The following KCP variants were observed in gnomAD, a reference collection of about 807,000 sequenced individuals.
KCP encodes kielin/chordin-like protein.
KCP carries 194 observed loss-of-function variants against 212.7 expected under a neutral mutation model. The observed-to-expected ratio is 0.91, with a 90% CI of 0.81 to 1.03. The LOEUF (loss-of-function observed/expected upper bound fraction) is 1.03, where lower values mean the gene tolerates loss of function less well. Ranked by LOEUF, KCP falls within the 50% of genes least tolerant of loss-of-function variation. KCP has a pLI of 0.00. For synonymous variants in KCP, 833 were observed against 865.3 expected, an observed-to-expected ratio of 0.96 and a Z score of 0.65; for missense variants, 2,080 against 2,162.5, an observed-to-expected ratio of 0.96 and a Z score of 0.76.
rs1378052717 is a variant in KCP, at chr7:128,884,826, C to T, written c.3078G>A (p.Glu1026=). The part of the protein sequence containing the change: ...EHEGRKYEPG[E]SFQPGADPCE... ...AGGGGTCTGCCCCAGGCTGGAAGCT[C>T]TCCCCAGGCTCGTACTTCCGGCCCT... Residue 1026 remains glutamate, a synonymous_variant, in exon 28 of 40, where the codon GAG becomes GAA. Transcript: ENST00000610776. 4.5e-6 allele frequency: 7 copies of T among 1,551,006 alleles called. No individual in the cohort carries two copies. The highest frequency in any genetic ancestry group is 6.1e-6 in the Non-Finnish European group (7 of 1,147,016).
At chr7:128,889,150 A>T in intron 21 of KCP, 111 bp from the exon 22 acceptor site, 3 of 562,884 alleles carry the variant, frequency 5.3e-6, no homozygotes, top group Non-Finnish European at 7.4e-6. Context: ...TCAAAGATCT[A>T]GCGTGGGGGC....
In KCP at chr7:128,902,800, G is replaced by T. The variant is rs770093869; in HGVS notation, c.808C>A (p.Pro270Thr). 3.9e-6 allele frequency: 6 copies of T among 1,551,542 alleles called. No individual in the cohort carries two copies. In the South Asian group the frequency reaches 7.1e-5, roughly 18 times the overall value. Residue 270 changes from proline to threonine, a missense_variant, in exon 8 of 40, where the codon CCC becomes ACC. Physicochemically the swap from Pro to Thr is conservative, Grantham distance 38. Coordinates refer to ENST00000610776, the MANE Select transcript of KCP (RefSeq NM_001366122.1). ...HGQEWTTPGD[P>T]CRICRCLEGH... The stretch of plus-strand genomic sequence containing the variant: ...ACCAGGCACCGGCAGATTCGGCAGG[G>T]GTCCCCAGGTGTTGTCCACTCTTGG...
chr7:128,880,109 C>A, intron 34 of KCP, 24 bp from the exon 35 acceptor site: 1 of 1,502,854 alleles, frequency 6.7e-7, no homozygotes, highest in South Asian at 1.3e-5. Context: ...CAGACACTGT[C>A]AGACACACCG....
intron 16 of KCP, 22 bp from the exon 17 acceptor site, chr7:128,891,841 C>A: frequency 7.0e-7 from 1 of 1,431,194 alleles, no homozygotes. Context: ...ATGGTGGGGG[C>A]AGGTATGAGG....
At chr7:128,884,371 C>A (rs184454126) in intron 28 of KCP, among the ~76,000 whole-genome samples, 252 of 152,332 alleles carry the variant, frequency 1.7e-3, no homozygotes, top group Non-Finnish European at 8.2e-4. Flanking sequence ...GACCTTTGAT[C>A]CTCCGGCAGG....
intron 29 of KCP, 86 bp downstream of exon 29, chr7:128,883,916 T>C: frequency 2.1e-6 from 3 of 1,454,384 alleles, no homozygotes; most frequent in Non-Finnish European, 1.8e-6. Context: ...TCAGGAAGAA[T>C]CTGGGGCTGG....
rs1793199353 is a variant in KCP, at chr7:128,879,714, T to C, written c.4044+4A>G. On this transcript the variant is annotated splice_donor_region_variant and intron_variant, in intron 36 of 39. Coordinates refer to ENST00000610776, the MANE Select transcript of KCP (RefSeq NM_001366122.1). ...ACCTTCCTCCACTCCTCGGCTTTGCTCACCGTGACTGCCCCGTCCTGCAGC... is the reference window on the plus strand; with the variant it reads ...ACCTTCCTCCACTCCTCGGCTTTGCCCACCGTGACTGCCCCGTCCTGCAGC... The C allele has an allele frequency of 1.9e-6, 3 of 1,549,962 alleles. No individual in the cohort carries two copies. The highest frequency in any genetic ancestry group is 2.6e-6 in the Non-Finnish European group (3 of 1,146,936).
Position 128,890,904 on chromosome 7 carries a change from C to T in KCP, c.2164+1G>A, listed in dbSNP as rs1794074696. ...CGGGAGGGGCACCGCCAGGGCGTTA[C>T]CGTCGCAGGAGGGGCAGCAAGGCCC... On this transcript the variant is annotated splice_donor_variant, in intron 20 of 39. Transcript: ENST00000610776. LOFTEE classifies it high-confidence loss of function. 8.0e-7 allele frequency: 1 copy of T among 1,247,454 alleles called. No homozygotes were observed. The highest frequency in any genetic ancestry group is 1.6e-5 in the African/African-American group (1 of 64,032). 77.3% of individuals were successfully genotyped at this position (1,247,454 alleles called of 1,614,324 possible). A position where few individuals can be genotyped will look rare whatever the true frequency, so the allele number is the denominator to read the frequency against.
At chr7:128,894,647 C>T (rs1002410294) in intron 8 of KCP, among the ~76,000 whole-genome samples, 2 of 152,056 alleles carry the variant, frequency 1.3e-5, no homozygotes, top group African/African-American at 4.8e-5. Context: ...GCTCTTGTTG[C>T]CCAGGCTGGA....
At position 128,910,641 on chromosome 7, in the gene KCP, G is replaced by C. The variant is rs1269251296; in HGVS notation, c.36C>G (p.Leu12=). Residue 12 remains leucine (L), a synonymous_variant, in exon 1 of 40, where the codon CTC becomes CTG. Transcript: ENST00000610776. ...CCAGCGCCAGGGCCCCGAGGTGCAG[G>C]AGAAGGGACAGCGCAGCGGCCCCGA... The part of the protein sequence containing the change: ...AGVGAAALSL[L]LHLGALALAA... 1.3e-6 allele frequency: 2 copies of C among 1,517,868 alleles called. No homozygotes were observed. The highest frequency in any genetic ancestry group is 1.8e-6 in the Non-Finnish European group (2 of 1,139,838). The allele number at this position is 1,517,868 out of a possible 1,614,324, so 94.0% of individuals were successfully genotyped here. A position where few individuals can be genotyped will look rare whatever the true frequency, so the allele number is the denominator to read the frequency against.
In KCP at chr7:128,877,476, C is replaced by T; in HGVS notation, c.4618+8G>A. The T allele has an allele frequency of 1.3e-6, 2 of 1,550,786 alleles. No homozygotes were observed. Among genetic ancestry groups the T allele is most frequent in the South Asian group, 2.4e-5 (2 of 84,038 alleles). On this transcript the variant is annotated splice_region_variant and intron_variant, in intron 39 of 39. Transcript: ENST00000610776. ...TCCCCCAACCTGCAGCGGGCATCAC[C>T]CCCTCACCACACAGCGTGGGGCCTC...
In KCP at chr7:128,885,138, T is replaced by C. The variant is rs1793568766; in HGVS notation, c.2999A>G (p.Gln1000Arg). 6.4e-7 allele frequency: 1 copy of C among 1,550,684 alleles called. No homozygotes were observed. The highest frequency in any genetic ancestry group is 1.4e-5 in the African/African-American group (1 of 73,046). The change falls in exon 27 of 40, where the codon CAG (glutamine) becomes CGG (arginine). Residue 1000 changes from glutamine (Q) to arginine (R), a missense_variant. Gln to Arg is a conservative substitution (Grantham distance 43, BLOSUM62 1). Transcript: ENST00000610776. Reference sequence around the variant, plus strand: ...GCAGTCATGGGGCCCTTGGCGGGGCTGGGCGCAAGAGCTGATGCACTGGAT... The same window carrying C: ...GCAGTCATGGGGCCCTTGGCGGGGCCGGGCGCAAGAGCTGATGCACTGGAT... The part of the protein sequence containing the change: ...ARIQCISSCA[Q>R]PRQGPHDCCP...
intron 21 of KCP, 144 bp from the exon 22 acceptor site, chr7:128,889,183 A>T: frequency 5.1e-5 from 11 of 217,256 alleles, no homozygotes; most frequent in Non-Finnish European, 7.2e-5. Context: ...GGCCAAGCCC[A>T]GGGGGCAAAG....
In KCP at chr7:128,888,940, C is replaced by A; in HGVS notation, c.2435G>T (p.Cys812Phe). Residue 812 changes from cysteine to phenylalanine, a missense_variant, in exon 22 of 40, where the codon TGC (cysteine) becomes TTC (phenylalanine). By Grantham distance (205) the Cys-to-Phe change is radical. Coordinates refer to ENST00000610776, the MANE Select transcript of KCP (RefSeq NM_001366122.1). ...LCTCLGGFVT[C>F]GRRPCEPPGC... Reference sequence around the variant, plus strand: ...CGGAGGCTCACAGGGCCGGCGGCCGCAGGTCACGAAGCCTCCAAGACAGGT... The same window carrying A: ...CGGAGGCTCACAGGGCCGGCGGCCGAAGGTCACGAAGCCTCCAAGACAGGT... The A allele has an allele frequency of 6.5e-7, 1 of 1,549,908 alleles. No homozygotes were observed. Among genetic ancestry groups the A allele is most frequent in the Non-Finnish European group, 8.7e-7 (1 of 1,146,476 alleles).
intron 16 of KCP, 68 bp downstream of exon 16, chr7:128,892,446 C>T: frequency 8.5e-7 from 1 of 1,171,804 alleles, no homozygotes; most frequent in African/African-American, 1.6e-5. Flanking sequence ...ACCTGTTGGG[C>T]CCATGGGGCT....
In KCP at chr7:128,885,160, G is replaced by A; in HGVS notation, c.2977C>T (p.Gln993Ter). ...HEGVVTCARIQCISSCAQPRQ... is the reference protein window; with the variant it reads ...HEGVVTCARI ...GGCTGGGCGCAAGAGCTGATGCACT[G>A]GATGCGTGCACAGGTGACGACGCCC... Residue 993 changes from glutamine (Q) to a stop codon, truncating the protein, a stop_gained, in exon 27 of 40, where the codon CAG becomes TAG. Coordinates refer to ENST00000610776, the MANE Select transcript of KCP (RefSeq NM_001366122.1). LOFTEE classifies it high-confidence loss of function. The A allele has an allele frequency of 8.4e-6, 13 of 1,550,834 alleles. No homozygotes were observed. The highest frequency in any genetic ancestry group is 1.1e-5 in the Non-Finnish European group (13 of 1,147,004).
At position 128,893,336 on chromosome 7, in the gene KCP, T is replaced by C. The variant is rs1191369783; in HGVS notation, c.1186-17A>G. On this transcript the variant is annotated splice_polypyrimidine_tract_variant and intron_variant, in intron 12 of 39. Transcript: ENST00000610776. ...CTCGCCAGCCTAGGAGGGAAGCAGG[T>C]GAGACACCCTGAAGGAATGAGGCAG... The C allele has an allele frequency of 3.2e-6, 5 of 1,551,232 alleles. No homozygotes were observed. In the African/African-American group the frequency reaches 4.1e-5, roughly 13 times the overall value.
Position 128,893,906 on chromosome 7 carries a change from A to G in KCP, c.1006-7T>C. 6.4e-7 allele frequency: 1 copy of G among 1,551,052 alleles called. No homozygotes were observed. Among genetic ancestry groups the G allele is most frequent in the Non-Finnish European group, 8.7e-7 (1 of 1,146,894 alleles). ...CACACTGGACACTCCCATTCTGCCAACAGGGCCTGGTCAGCACGCCAGAGG... is the reference window on the plus strand; with the variant it reads ...CACACTGGACACTCCCATTCTGCCAGCAGGGCCTGGTCAGCACGCCAGAGG... On this transcript the variant is annotated splice_region_variant and splice_polypyrimidine_tract_variant and intron_variant, in intron 10 of 39. Transcript: ENST00000610776.
At chr7:128,888,024 CACACACACAT>C (rs1440354762) in intron 22 of KCP, among the ~76,000 whole-genome samples, 8 of 125,270 alleles carry the variant, frequency 6.4e-5, no homozygotes, top group African/African-American at 8.9e-5. Context: ...CACACAGCCA[CACACACACAT>C]ACACACACAC....
Sources: allele counts gnomAD v4.1 joint callset (sites outside exome capture counted in the v4.1 genomes callset), GRCh38; gene constraint gnomAD v4.1.1; transcripts MANE v1.5; gene names NCBI Gene and HGNC (gene_info 2026-07-23, HGNC 2026-07-21).